Variants in BOC observed in about 807,000 individuals in gnomAD.
BOC encodes the protein brother of CDO.
BOC carries 76 observed loss-of-function variants against 112.0 expected under a neutral mutation model. The observed-to-expected ratio is 0.68, with a 90% CI of 0.56 to 0.82. BOC has a LOEUF of 0.82. Ranked by LOEUF, BOC falls within the 40% of genes least tolerant of loss-of-function variation. The probability of loss-of-function intolerance (pLI) is 0.00; values close to 1 mark genes in which losing one functional copy is unlikely to be tolerated. For synonymous variants in BOC, 580 were observed against 599.8 expected (o/e 0.97, Z 0.48); for missense variants, 1,309 against 1,511.7 (o/e 0.87, Z 2.22).
chr3:113,237,742 T>TC (rs941929989), intron 2 of BOC, among the ~76,000 whole-genome samples: 4 of 152,190 alleles, frequency 2.6e-5, no homozygotes, highest in Admixed American at 2.6e-4. Context: ...TATAGTCCTT[T>TC]CCCCCCAGGA....
chr3:113,236,282 GTA>G lies in BOC; in HGVS notation c.-81-13411_-81-13410del, dbSNP rs71706132. 2.4e-3 allele frequency among the ~76,000 whole-genome samples: 151 copies of G among 64,146 alleles called. 3 individuals carry two copies. Among genetic ancestry groups the G allele is most frequent in the Non-Finnish European group, 3.1e-3 (77 of 24,524 alleles). 42.1% of individuals were successfully genotyped at this position (64,146 alleles called of 152,430 possible). ...TGTGTGTGTGTATATATACCCATGG[GTA>G]TATATATATATATATATATATATAT... On this transcript the variant is annotated intron_variant, in intron 2 of 19. Transcript: ENST00000682979.
intron 4 of BOC, 21 bp downstream of exon 4, chr3:113,250,854 C>T (rs368571803): frequency 4.3e-6 from 7 of 1,611,578 alleles, no homozygotes; most frequent in Non-Finnish European, 5.9e-6. Flanking sequence ...TCCTTTGCCT[C>T]CCTGCCATGG....
chr3:113,284,213 A>G (rs555999544), intron 16 of BOC, 122 bp from the exon 17 acceptor site: 166 of 794,928 alleles, frequency 2.1e-4, no homozygotes, highest in Admixed American at 3.2e-4. Flanking sequence ...GGCACTGTCA[A>G]CTCCCTGCCT....
intron 4 of BOC, 81 bp from the exon 5 acceptor site, chr3:113,268,218 A>G: frequency 6.4e-7 from 1 of 1,570,548 alleles, no homozygotes; most frequent in Non-Finnish European, 8.6e-7. Flanking sequence ...ATGACTGACA[A>G]CACCAAGGCA....
intron 4 of BOC, among the ~76,000 whole-genome samples, chr3:113,265,674 G>A (rs747746949): frequency 2.0e-5 from 3 of 152,246 alleles, no homozygotes; most frequent in Non-Finnish European, 4.4e-5. Flanking sequence ...TCTTCTCTGA[G>A]AGAAAACTCA....
intron 2 of BOC, among the ~76,000 whole-genome samples, chr3:113,234,813 T>C (rs2107742997): frequency 6.6e-6 from 1 of 152,312 alleles, no homozygotes; most frequent in Middle Eastern, 3.4e-3. Context: ...CCATATCCTG[T>C]TGCCTTTTTG....
intron 4 of BOC, among the ~76,000 whole-genome samples, chr3:113,267,384 C>T (rs1947600707): frequency 6.6e-6 from 1 of 152,210 alleles, no homozygotes; most frequent in South Asian, 2.1e-4. Flanking sequence ...CTAGATGAAT[C>T]TCCATGCTCT....
chr3:113,252,731 T>G (rs1402028066), intron 4 of BOC, among the ~76,000 whole-genome samples: 1 of 152,292 alleles, frequency 6.6e-6, no homozygotes, highest in East Asian at 1.9e-4. Flanking sequence ...AGGCTGACAC[T>G]GGGCTGCATC....
intron 4 of BOC, among the ~76,000 whole-genome samples, chr3:113,261,109 C>T (rs144549064): frequency 3.0e-4 from 45 of 152,238 alleles, no homozygotes; most frequent in African/African-American, 1.0e-3. Flanking sequence ...CCCACTGCCC[C>T]GTCTCTCCCA....
intron 1 of BOC, chr3:113,212,260 G>A (rs1576295562): frequency 2.0e-5 from 3 of 151,992 alleles, no homozygotes; most frequent in East Asian, 3.9e-4. Context: ...CGGGCAGCGG[G>A]GGTCCCGGGG....
chr3:113,245,259 C>CT (rs1411159200), intron 2 of BOC, among the ~76,000 whole-genome samples: 2 of 151,938 alleles, frequency 1.3e-5, no homozygotes, highest in Non-Finnish European at 2.9e-5. Flanking sequence ...CTTTCTTTCT[C>CT]TTTTTTTAGA....
chr3:113,213,372 G>A (rs572202645), intron 1 of BOC, among the ~76,000 whole-genome samples: 1 of 152,222 alleles, frequency 6.6e-6, no homozygotes, highest in Non-Finnish European at 1.5e-5. Flanking sequence ...ACCATTGGAT[G>A]AATGTCATTT....
At chr3:113,272,294 G>T in intron 6 of BOC, 116 bp from the exon 7 acceptor site, 2 of 1,172,148 alleles carry the variant, frequency 1.7e-6, no homozygotes, top group South Asian at 2.8e-5. Context: ...TAGGTTGAAA[G>T]ACCCGGAATG....
Position 113,278,569 on chromosome 3 carries a change from A to G in BOC, c.1706-104A>G. On this transcript the variant is annotated intron_variant, in intron 10 of 19. Transcript: ENST00000682979. This position sits in a 1 kb window ranked among gnomAD's most constrained non-coding sequence, Gnocchi z 4.2. ...AGTGCCCCGGATGCTTATTTGCATC[A>G]CTTTGTCATGCCGCTTAGCAGAGTC... 9.6e-7 allele frequency: 1 copy of G among 1,043,692 alleles called. No homozygotes were observed. Among genetic ancestry groups the G allele is most frequent in the South Asian group, 1.5e-5 (1 of 68,118 alleles). 64.7% of individuals were successfully genotyped at this position (1,043,692 alleles called of 1,614,324 possible). A position where few individuals can be genotyped will look rare whatever the true frequency, so the allele number is the denominator to read the frequency against.
At chr3:113,227,237 A>C (rs535434546) in intron 2 of BOC, among the ~76,000 whole-genome samples, 1 of 152,344 alleles carries the variant, frequency 6.6e-6, no homozygotes, top group African/African-American at 2.4e-5. Context: ...AAGTGGAGGC[A>C]CAAGGAAAAG....
intron 19 of BOC, among the ~76,000 whole-genome samples, chr3:113,285,812 G>C (rs980475299): frequency 7.9e-5 from 12 of 152,328 alleles, no homozygotes; most frequent in African/African-American, 2.9e-4. Context: ...CTCAGCCTCT[G>C]AGAAAAAGGC....
chr3:113,280,131 C>T (rs1949055685), intron 13 of BOC, 126 bp downstream of exon 13: 12 of 1,012,464 alleles, frequency 1.2e-5, no homozygotes, highest in Non-Finnish European at 1.7e-5. Context: ...ATTTGGGAGG[C>T]TCTTAGTGGC....
At chr3:113,252,019 C>G (rs1478260726) in intron 4 of BOC, 1 of 152,204 alleles carries the variant, frequency 6.6e-6, no homozygotes, top group Admixed American at 6.5e-5. Context: ...GTGACTGCCA[C>G]TTGGTGTGCT....
In BOC at chr3:113,279,413, C is replaced by T. The variant is rs1161096694; in HGVS notation, c.1981C>T (p.Pro661Ser). 1.9e-6 allele frequency: 3 copies of T among 1,614,178 alleles called. No individual in the cohort carries two copies. Among genetic ancestry groups the T allele is most frequent in the East Asian group, 4.5e-5 (2 of 44,878 alleles). The stretch of plus-strand genomic sequence containing the variant: ...CTGGATTCTGGCCACCAGCGCCATC[C>T]CCCCATCGCGGCTGTCCGTGGAGAT... Reference protein sequence around the residue: ...GDWILATSAIPPSRLSVEITG... With the variant: ...GDWILATSAISPSRLSVEITG... Residue 661 changes from proline to serine, a missense_variant, in exon 12 of 20, where the codon CCC becomes TCC. Physicochemically the swap from Pro to Ser is moderately conservative, Grantham distance 74. Coordinates refer to ENST00000682979, the MANE Select transcript of BOC (RefSeq NM_001378074.1).
Sources: allele counts gnomAD v4.1 joint callset (sites outside exome capture counted in the v4.1 genomes callset), GRCh38; gene constraint gnomAD v4.1.1; non-coding constraint Gnocchi (gnomAD v3.1); transcripts MANE v1.5; gene names NCBI Gene and HGNC (gene_info 2026-07-23, HGNC 2026-07-21).